TJP2: variants seen among roughly 807,000 people sequenced by gnomAD.
TJP2 encodes Friedreich ataxia region gene X104 (tight junction protein ZO-2).
TJP2 carries 91 observed loss-of-function variants against 133.1 expected under a neutral mutation model. The ratio of observed to expected loss-of-function variants is 0.68; its 90% CI spans 0.58 to 0.81. The LOEUF (loss-of-function observed/expected upper bound fraction) is 0.81, where lower values mean the gene tolerates loss of function less well. Ranked by LOEUF, TJP2 falls within the 40% of genes least tolerant of loss-of-function variation. The probability of loss-of-function intolerance (pLI) is 0.00; values close to 1 mark genes in which losing one functional copy is unlikely to be tolerated. For synonymous variants in TJP2, 592 were observed against 583.4 expected, an observed-to-expected ratio of 1.01 and a Z score of -0.21; for missense variants, 1,541 against 1,565.6, an observed-to-expected ratio of 0.98 and a Z score of 0.26.
chr9:69,216,236 G>A (rs889561309), intron 2 of TJP2, 103 bp from the exon 3 acceptor site: 3 of 1,398,242 alleles, frequency 2.1e-6, no homozygotes, highest in Non-Finnish European at 3.0e-6. Flanking sequence ...TTCCTGAACA[G>A]TCTCTGGTTA....
At position 69,248,730 on chromosome 9, in the gene TJP2, A is replaced by G. The variant is rs542067604; in HGVS notation, c.2880+506A>G. ...CATGATCAAACCTTCATCTGATCACATCACATGTACTGTGCATCCACTGTG... is the reference window on the plus strand; with the variant it reads ...CATGATCAAACCTTCATCTGATCACGTCACATGTACTGTGCATCCACTGTG... On this transcript the variant is annotated intron_variant, in intron 19 of 22. Coordinates refer to ENST00000377245, the MANE Select transcript of TJP2 (RefSeq NM_004817.4). 8 of 997,692 alleles carry G rather than the reference A, an allele frequency of 8.0e-6. No homozygotes were observed. In the East Asian group the frequency reaches 7.5e-4, roughly 94 times the overall value. The allele number at this position is 997,692 out of a possible 1,614,324, so 61.8% of individuals were successfully genotyped here.
intron 7 of TJP2, 117 bp from the exon 8 acceptor site, chr9:69,227,648 C>T (rs562272175): frequency 2.3e-4 from 165 of 723,040 alleles, no homozygotes; most frequent in Non-Finnish European, 3.6e-4. Flanking sequence ...TAGCACATTT[C>T]CTGCCTACCT....
intron 20 of TJP2, 84 bp downstream of exon 20, chr9:69,249,569 A>G (rs1163737376): frequency 2.6e-6 from 4 of 1,549,078 alleles, no homozygotes; most frequent in African/African-American, 2.7e-5. Flanking sequence ...AGGAGCATGC[A>G]CACTGAGATG....
Position 69,220,436 on chromosome 9 carries a change from G to A in TJP2, c.343-451G>A, listed in dbSNP as rs144059140. Among the ~76,000 whole-genome samples the A allele has an allele frequency of 3.3e-5, 5 of 152,296 alleles. No homozygotes were observed. The East Asian group carries it at 9.6e-4, about 29-fold the overall frequency. On this transcript the variant is annotated intron_variant, in intron 4 of 22. Transcript: ENST00000377245. ...ATTTTGGAATGTACAGTAGATTCCT[G>A]TAAGCTGTAGTCACCCTACCGATCT...
At chr9:69,156,009 G>C (rs561287319) in intron 2 of TJP2, among the ~76,000 whole-genome samples, 2 of 152,338 alleles carry the variant, frequency 1.3e-5, no homozygotes, top group South Asian at 4.1e-4. Context: ...TGTTTGTTCT[G>C]AGAATTCCAT....
intron 1 of TJP2, chr9:69,145,887 T>A: frequency 9.6e-7 from 1 of 1,039,200 alleles, no homozygotes; most frequent in Non-Finnish European, 1.2e-6. Flanking sequence ...TGGGGACCCA[T>A]ATAGAAAAAA....
intron 1 of TJP2, among the ~76,000 whole-genome samples, chr9:69,199,283 C>A (rs1295482593): frequency 1.3e-5 from 2 of 152,182 alleles, no homozygotes; most frequent in African/African-American, 4.8e-5. Flanking sequence ...CATCTGTAAT[C>A]CCAGCACTTT....
intron 1 of TJP2, chr9:69,205,092 A>T: frequency 6.5e-7 from 1 of 1,531,294 alleles, no homozygotes; most frequent in Non-Finnish European, 8.7e-7. Flanking sequence ...ACGTAACCAC[A>T]TGGAGTGATG....
chr9:69,162,410 G>C (rs1824127754), intron 2 of TJP2, among the ~76,000 whole-genome samples: 1 of 151,950 alleles, frequency 6.6e-6, no homozygotes, highest in Admixed American at 6.6e-5. Context: ...ACAACTTACT[G>C]TTTACACTTA....
At chr9:69,121,460 C>T (rs1822135839), upstream of TJP2, 2 of 590,952 alleles carry the variant, frequency 3.4e-6, no homozygotes, top group Middle Eastern at 8.6e-4. Flanking sequence ...ATTTTTTTTC[C>T]CCTTCTCTCA....
chr9:69,244,021 TA>T, intron 17 of TJP2, among the ~76,000 whole-genome samples: 2 of 151,424 alleles, frequency 1.3e-5, no homozygotes. Flanking sequence ...CTGTCTCTAT[TA>T]AAAATAAAAA....
Position 69,163,032 on chromosome 9 carries a change from T to A in TJP2, c.-10+11261T>A, listed in dbSNP as rs1284866830. ...AAAAAGTATCTTTATTTTATTTTAT[T>A]TTTTTTTTTTTGAGACGGAGTCTCG... is the stretch of plus-strand genomic sequence containing the variant. On this transcript the variant is annotated intron_variant, in intron 2 of 5. Transcript: ENST00000423935. 5.2e-5 allele frequency among the ~76,000 whole-genome samples: 5 copies of A among 96,632 alleles called. 1 individual carries two copies. Among genetic ancestry groups the A allele is most frequent in the African/African-American group, 1.2e-4 (3 of 24,386 alleles). The allele number at this position is 96,632 out of a possible 152,430, so 63.4% of individuals were successfully genotyped here. A position where few individuals can be genotyped will look rare whatever the true frequency, so the allele number is the denominator to read the frequency against.
At chr9:69,137,052 G>A (rs1822762433) in intron 1 of TJP2, among the ~76,000 whole-genome samples, 1 of 152,138 alleles carries the variant, frequency 6.6e-6, no homozygotes, top group Non-Finnish European at 1.5e-5. Context: ...TAGGAGCTGT[G>A]CGATCCAGGC....
At chr9:69,233,490 G>A (rs1829941332) in intron 11 of TJP2, among the ~76,000 whole-genome samples, 1 of 152,032 alleles carries the variant, frequency 6.6e-6, no homozygotes, top group Admixed American at 6.6e-5. Flanking sequence ...ACAGAACTAT[G>A]GGCCAGGCGT....
intron 1 of TJP2, among the ~76,000 whole-genome samples, chr9:69,194,044 C>T (rs926059556): frequency 3.3e-5 from 5 of 152,052 alleles, no homozygotes; most frequent in African/African-American, 9.7e-5. Context: ...CATAGATTAA[C>T]GGTTTAAAAT....
intron 17 of TJP2, among the ~76,000 whole-genome samples, chr9:69,243,110 C>T (rs1186917795): frequency 6.6e-6 from 1 of 152,114 alleles, no homozygotes; most frequent in African/African-American, 2.4e-5. Context: ...GCAATCTGCC[C>T]GTGTTGGCCT....
intron 19 of TJP2, chr9:69,248,915 C>G: frequency 2.0e-6 from 2 of 988,228 alleles, no homozygotes; most frequent in Non-Finnish European, 2.4e-6. Context: ...GGATTTCTCT[C>G]TAGCATTTTA....
chr9:69,232,633 G>A (rs1203559071), intron 11 of TJP2, among the ~76,000 whole-genome samples: 24 of 152,140 alleles, frequency 1.6e-4, no homozygotes. Context: ...CCTAATGTGT[G>A]GAATGAAGAC....
At chr9:69,214,878 AAAC>A (rs1186330617) in intron 2 of TJP2, among the ~76,000 whole-genome samples, 1 of 151,472 alleles carries the variant, frequency 6.6e-6, no homozygotes, top group Non-Finnish European at 1.5e-5. Context: ...AAAAAAAAAA[AAAC>A]AAACAAATCC....
Sources: gnomAD v4.1 joint callset for allele counts (sites outside exome capture counted in the v4.1 genomes callset) on GRCh38, gnomAD v4.1.1 for gene constraint, MANE v1.5 for transcripts, NCBI Gene and HGNC (gene_info 2026-07-23, HGNC 2026-07-21) for gene names.